PPM1K: variants seen among roughly 807,000 people sequenced by gnomAD.
The protein encoded by PPM1K is protein phosphatase, Mg2+/Mn2+ dependent 1K.
A neutral mutation model predicts 32.6 loss-of-function variants in PPM1K; 19 were observed. The observed-to-expected ratio is 0.58, with a 90% confidence interval of 0.41 to 0.86. The LOEUF (loss-of-function observed/expected upper bound fraction) is 0.86, where lower values mean the gene tolerates loss of function less well. PPM1K is among the 40% of genes least tolerant of loss of function. The pLI, the probability that PPM1K is intolerant of heterozygous loss-of-function variation, is 0.00. For missense variants in PPM1K, 362 were observed against 461.2 expected, an observed-to-expected ratio of 0.78 and a Z score of 1.97; for synonymous variants, 159 against 165.3, an observed-to-expected ratio of 0.96 and a Z score of 0.29.
At chr4:88,279,839 T>C (rs971836357) in intron 1 of PPM1K, 1 of 152,240 alleles carries the variant, frequency 6.6e-6, no homozygotes, top group African/African-American at 2.4e-5. Context: ...CTACAGATAG[T>C]ATATTATTCT....
rs1335866068 is a variant in PPM1K, at chr4:88,262,733, G to T, written c.988-7C>A. The T allele has an allele frequency of 1.9e-6, 3 of 1,588,980 alleles. No homozygotes were observed. The highest frequency in any genetic ancestry group is 2.6e-6 in the Non-Finnish European group (3 of 1,170,772). ...CAGTACCGTACTGTATTGCCTGCAA[G>T]GTTTGGCAGGAAGAAAGAGAAAAAC... On this transcript the variant is annotated splice_polypyrimidine_tract_variant and splice_region_variant and intron_variant, in intron 6 of 6. Transcript: ENST00000608933.
At chr4:88,276,402 T>A (rs943814013) in intron 3 of PPM1K, 1 of 985,446 alleles carries the variant, frequency 1.0e-6, no homozygotes. Flanking sequence ...GGGTTAACTT[T>A]AACAGCAAAA....
Position 88,268,428 on chromosome 4 carries a change from C to T in PPM1K, c.708-94G>A, listed in dbSNP as rs569505708. The T allele has an allele frequency of 1.3e-4, 176 of 1,401,894 alleles. No individual in the cohort carries two copies. The South Asian group carries it at 1.7e-3, about 14-fold the overall frequency. The allele number at this position is 1,401,894 out of a possible 1,614,324, so 86.8% of individuals were successfully genotyped here. A position where few individuals can be genotyped will look rare whatever the true frequency, so the allele number is the denominator to read the frequency against. On this transcript the variant is annotated intron_variant, in intron 4 of 6. Coordinates refer to ENST00000608933, the MANE Select transcript of PPM1K (RefSeq NM_152542.5). ...ACGAGGTCAGGAGATCGAGACCATC[C>T]TGGCTAACACGGTGAAACCCCGTCT...
At chr4:88,272,090 C>T (rs895409824) in intron 3 of PPM1K, among the ~76,000 whole-genome samples, 33 of 152,134 alleles carry the variant, frequency 2.2e-4, no homozygotes, top group South Asian at 8.3e-4. Flanking sequence ...CTAGTAATTA[C>T]TCAATTGTGT....
intron 6 of PPM1K, among the ~76,000 whole-genome samples, chr4:88,263,336 A>G (rs144173739): frequency 4.0e-4 from 61 of 152,354 alleles, no homozygotes; most frequent in African/African-American, 1.5e-3. Flanking sequence ...AATTTGGAAA[A>G]ACAAACTGTA....
At chr4:88,277,933 T>C (rs72661668) in intron 2 of PPM1K, 8,720 of 588,514 alleles carry the variant, frequency 0.015, 99 homozygotes, top group Non-Finnish European at 0.02. Flanking sequence ...TGGTTAATGC[T>C]TTCCCCAGGG....
intron 3 of PPM1K, chr4:88,275,963 A>C (rs912198515): frequency 2.0e-6 from 2 of 985,320 alleles, no homozygotes; most frequent in Non-Finnish European, 2.4e-6. Context: ...AATGATCTAC[A>C]AACTGGAAAA....
At position 88,263,601 on chromosome 4, in the gene PPM1K, G is replaced by C. The variant is rs72661664; in HGVS notation, c.988-875C>G. Among the ~76,000 whole-genome samples, 1,507 of 152,182 alleles carry C rather than the reference G, an allele frequency of 9.9e-3. 16 individuals are homozygous for C. Among genetic ancestry groups the C allele is most frequent in the Non-Finnish European group, 0.015 (998 of 68,006 alleles). On this transcript the variant is annotated intron_variant, in intron 6 of 6. Coordinates refer to ENST00000608933, the MANE Select transcript of PPM1K (RefSeq NM_152542.5). ...CCACAGGCATGTACCACCATGCCCA[G>C]CTAAGTAAAAAAAATATTTTTTTTT...
chr4:88,277,567 GGTCACTGGGAAGTCAAAAATA>G (rs1208299711), intron 2 of PPM1K: 1 of 229,946 alleles, frequency 4.3e-6, no homozygotes, highest in Non-Finnish European at 8.5e-6. Context: ...GTCAAGAAAT[GGTCACTGGGAAGTCAAAAATA>G]GTCACATGGT....
At chr4:88,264,155 C>T (rs774855557) in intron 6 of PPM1K, among the ~76,000 whole-genome samples, 10 of 152,150 alleles carry the variant, frequency 6.6e-5, no homozygotes, top group Non-Finnish European at 1.2e-4. Context: ...CGGGTGAAGG[C>T]AGTAACCAAA....
At chr4:88,276,198 A>C (rs1731761456) in intron 3 of PPM1K, 2 of 985,460 alleles carry the variant, frequency 2.0e-6, no homozygotes, top group East Asian at 2.3e-4. Flanking sequence ...TTCGCTGTGA[A>C]ATGCAAACAA....
At chr4:88,275,962 CA>C in intron 3 of PPM1K, 1 of 985,358 alleles carries the variant, frequency 1.0e-6, no homozygotes, top group Non-Finnish European at 1.2e-6. Flanking sequence ...AAATGATCTA[CA>C]AACTGGAAAA....
chr4:88,278,408 G>T lies in PPM1K; in HGVS notation c.176C>A (p.Ala59Asp). ...CCAGATCCCAAAATTGTCCCAGGTA[G>T]CTGGACTCCCACTACCATCTGGGTC... ...RFDPDGSGSPATWDNFGIWDN... is the reference protein window; with the variant it reads ...RFDPDGSGSPDTWDNFGIWDN... The change falls in exon 2 of 7, where the codon GCT becomes GAT. Residue 59 changes from alanine (A) to aspartate (D), a missense_variant. Physicochemically the swap from Ala to Asp is moderately radical, Grantham distance 126 (BLOSUM62 -2). Transcript: ENST00000608933. This position sits in a 1 kb window ranked among gnomAD's most constrained non-coding sequence, Gnocchi z 4.2. 1.9e-6 allele frequency: 3 copies of T among 1,614,210 alleles called. No homozygotes were observed. The highest frequency in any genetic ancestry group is 1.7e-6 in the Non-Finnish European group (2 of 1,180,054).
In PPM1K at chr4:88,278,487, G is replaced by A. The variant is rs376655463; in HGVS notation, c.97C>T (p.Arg33Trp). The A allele has an allele frequency of 1.8e-5, 29 of 1,613,952 alleles. No individual in the cohort carries two copies. The highest frequency in any genetic ancestry group is 3.3e-4 in the Middle Eastern group (2 of 6,084). The change falls in exon 2 of 7, where the codon CGG becomes TGG. Residue 33 changes from arginine (R) to tryptophan (W), a missense_variant. Coordinates refer to ENST00000608933, the MANE Select transcript of PPM1K (RefSeq NM_152542.5). This position sits in a 1 kb window ranked among gnomAD's most constrained non-coding sequence, Gnocchi z 4.2. ...GAGCTGTGGCACGTGGGTGTCACCC[G>A]CCTGTCGTCCTGCAGCAGGCGGGAG... Reference protein sequence around the residue: ...LSSRLLQDDRRVTPTCHSSTS... With the variant: ...LSSRLLQDDRWVTPTCHSSTS...
chr4:88,270,084 T>C (rs1206942103), intron 3 of PPM1K, among the ~76,000 whole-genome samples: 3 of 152,240 alleles, frequency 2.0e-5, no homozygotes, highest in East Asian at 3.8e-4. Flanking sequence ...ATTTTAAAGG[T>C]ACATTTAGGA....
At chr4:88,273,125 T>G (rs1731629955) in intron 3 of PPM1K, among the ~76,000 whole-genome samples, 1 of 152,224 alleles carries the variant, frequency 6.6e-6, no homozygotes, top group African/African-American at 2.4e-5. Context: ...TGTAACAGCT[T>G]TGGAACTGAA....
At position 88,278,114 on chromosome 4, in the gene PPM1K, A is replaced by C. The variant is rs372444694; in HGVS notation, c.440+30T>G. ...TTTAAGTAGGAAGTATAGGAACTGC[A>C]AAGTCAGGAGTGAAAGTCATTGTAC... On this transcript the variant is annotated intron_variant, in intron 2 of 6. Transcript: ENST00000608933. The surrounding 1 kb of genome is among the most constrained non-coding windows in gnomAD (Gnocchi z 4.2). 967 of 1,579,486 alleles carry C rather than the reference A, an allele frequency of 6.1e-4. 13 individuals are homozygous for C. The South Asian group carries it at 0.01, about 17-fold the overall frequency.
intron 6 of PPM1K, among the ~76,000 whole-genome samples, chr4:88,264,779 C>T (rs1731242889): frequency 6.6e-6 from 1 of 152,170 alleles, no homozygotes; most frequent in Non-Finnish European, 1.5e-5. Flanking sequence ...TTTACTATTG[C>T]TGTTACTATC....
chr4:88,278,031 G>A lies in PPM1K; in HGVS notation c.440+113C>T. 1.3e-6 allele frequency: 1 copy of A among 786,514 alleles called. No homozygotes were observed. The highest frequency in any genetic ancestry group is 2.0e-6 in the Non-Finnish European group (1 of 491,218). The allele number at this position is 786,514 out of a possible 1,614,324, so 48.7% of individuals were successfully genotyped here. A position where few individuals can be genotyped will look rare whatever the true frequency, so the allele number is the denominator to read the frequency against. The stretch of plus-strand genomic sequence containing the variant: ...ACTACTGCTCATTCGTGAAGCAGCA[G>A]CATGCAACCACTCAAGTAACTATGT... On this transcript the variant is annotated intron_variant, in intron 2 of 6. Transcript: ENST00000608933. The surrounding 1 kb of genome is among the most constrained non-coding windows in gnomAD (Gnocchi z 4.2).
Sources: allele counts gnomAD v4.1 joint callset (sites outside exome capture counted in the v4.1 genomes callset), GRCh38; gene constraint gnomAD v4.1.1; non-coding constraint Gnocchi (gnomAD v3.1); transcripts MANE v1.5; gene names NCBI Gene and HGNC (gene_info 2026-07-23, HGNC 2026-07-21).